The following MEIKIN variants were observed in gnomAD, a reference collection of about 807,000 sequenced individuals.
The protein encoded by MEIKIN is meiotic kinetochore factor.
At chr5:131,833,873 T>C (rs1749755703) in intron 11 of MEIKIN, among the ~76,000 whole-genome samples, 1 of 152,222 alleles carries the variant, frequency 6.6e-6, no homozygotes, top group Non-Finnish European at 1.5e-5. Context: ...TACCAAGCTC[T>C]ACGAAGAAAA....
intron 5 of MEIKIN, among the ~76,000 whole-genome samples, chr5:131,927,540 T>C (rs949526486): frequency 6.6e-6 from 1 of 152,230 alleles, no homozygotes; most frequent in Non-Finnish European, 1.5e-5. Flanking sequence ...GAATGTTCTA[T>C]CCATTGTTAA....
chr5:131,863,557 CTTTTTTTTTT>C (rs59435888), intron 9 of MEIKIN, among the ~76,000 whole-genome samples: 2 of 68,434 alleles, frequency 2.9e-5, no homozygotes, highest in Admixed American at 1.9e-4. Flanking sequence ...CTTCTTTGTC[CTTTTTTTTTT>C]TTTTTTTTTT....
intron 11 of MEIKIN, among the ~76,000 whole-genome samples, chr5:131,835,188 ATG>A (rs144829831): frequency 6.4e-5 from 8 of 124,814 alleles, no homozygotes; most frequent in East Asian, 3.9e-4. Context: ...GTGTATATAT[ATG>A]TGTGTGTGTA....
At chr5:131,926,518 C>G (rs912933057) in intron 5 of MEIKIN, among the ~76,000 whole-genome samples, 1 of 152,212 alleles carries the variant, frequency 6.6e-6, no homozygotes, top group East Asian at 1.9e-4. Context: ...GTATTTACCT[C>G]GCTTTAGTAT....
At chr5:131,926,880 T>C (rs1021960815) in intron 5 of MEIKIN, among the ~76,000 whole-genome samples, 6 of 152,320 alleles carry the variant, frequency 3.9e-5, no homozygotes, top group African/African-American at 9.6e-5. Flanking sequence ...ATCTTGCACT[T>C]TGAATTTTAT....
chr5:131,814,962 G>A (rs1773075130), intron 12 of MEIKIN, among the ~76,000 whole-genome samples: 1 of 152,182 alleles, frequency 6.6e-6, no homozygotes, highest in South Asian at 2.1e-4. Flanking sequence ...TCCTCTGGGT[G>A]CTCAGTCAGC....
chr5:131,848,716 C>T (rs1297477347), intron 11 of MEIKIN, among the ~76,000 whole-genome samples: 4 of 152,110 alleles, frequency 2.6e-5, no homozygotes, highest in Non-Finnish European at 5.9e-5. Flanking sequence ...CTGGACAATA[C>T]ATGAAAAGAA....
intron 9 of MEIKIN, among the ~76,000 whole-genome samples, chr5:131,860,390 G>A (rs1750263127): frequency 7.6e-6 from 1 of 131,358 alleles, no homozygotes; most frequent in African/African-American, 3.0e-5. Flanking sequence ...GCTGATTTTT[G>A]CTTGTTTGCA....
chr5:131,885,338 T>TGAAA (rs1750763820), intron 8 of MEIKIN, among the ~76,000 whole-genome samples: 1 of 95,218 alleles, frequency 1.1e-5, no homozygotes. Flanking sequence ...CACTCAGAAC[T>TGAAA]GAAAGAGAGA....
chr5:131,908,299 T>G (rs768082745), intron 8 of MEIKIN, among the ~76,000 whole-genome samples: 40 of 152,148 alleles, frequency 2.6e-4, no homozygotes, highest in Non-Finnish European at 4.1e-4. Flanking sequence ...ATCAATATGA[T>G]ACATCATATC....
At chr5:131,929,013 C>G (rs1751638217) in intron 5 of MEIKIN, among the ~76,000 whole-genome samples, 1 of 152,150 alleles carries the variant, frequency 6.6e-6, no homozygotes, top group Non-Finnish European at 1.5e-5. Context: ...ATTCCCTCTG[C>G]TTTTGTTTGT....
chr5:131,807,041 AT>A lies in MEIKIN; in HGVS notation c.*194del. 2.6e-6 allele frequency: 1 copy of A among 378,688 alleles called. No homozygotes were observed. The highest frequency in any genetic ancestry group is 1.5e-4 in the South Asian group (1 of 6,866). The allele number at this position is 378,688 out of a possible 1,614,324, so 23.5% of individuals were successfully genotyped here. A position where few individuals can be genotyped will look rare whatever the true frequency, so the allele number is the denominator to read the frequency against. ...TACATATATTTAAGAAGCATATGGA[AT>A]AATTTTTTTTCTTAACTGATTAAAA... is the stretch of plus-strand genomic sequence containing the variant. On this transcript the variant is annotated 3_prime_UTR_variant, in exon 13 of 13. Transcript: ENST00000442687.
intron 11 of MEIKIN, among the ~76,000 whole-genome samples, chr5:131,819,243 A>G (rs750815817): frequency 2.0e-5 from 3 of 151,992 alleles, no homozygotes; most frequent in Non-Finnish European, 4.4e-5. Flanking sequence ...GTTAAACACT[A>G]AATTCCTTGA....
intron 9 of MEIKIN, among the ~76,000 whole-genome samples, chr5:131,876,386 C>A (rs1750613387): frequency 6.6e-6 from 1 of 151,108 alleles, no homozygotes; most frequent in African/African-American, 2.5e-5. Context: ...CCAACGGACA[C>A]ATGAAAAAAT....
chr5:131,859,930 A>C (rs538243585), intron 9 of MEIKIN, among the ~76,000 whole-genome samples: 9 of 152,142 alleles, frequency 5.9e-5, no homozygotes, highest in East Asian at 1.9e-4. Flanking sequence ...TTTTCTACCA[A>C]TATCATGCTG....
intron 5 of MEIKIN, among the ~76,000 whole-genome samples, chr5:131,927,934 A>C (rs544909558): frequency 6.6e-6 from 1 of 152,144 alleles, no homozygotes; most frequent in Non-Finnish European, 1.5e-5. Flanking sequence ...TCACGAGGTC[A>C]GGAGATCGAG....
chr5:131,878,865 A>G (rs1196057858), intron 9 of MEIKIN, 113 bp downstream of exon 9: 1 of 358,878 alleles, frequency 2.8e-6, no homozygotes, highest in African/African-American at 2.2e-5. Flanking sequence ...ACAGAATGAG[A>G]CCCCATTTCT....
intron 8 of MEIKIN, among the ~76,000 whole-genome samples, chr5:131,910,777 T>C (rs1456732943): frequency 6.6e-6 from 1 of 152,004 alleles, no homozygotes; most frequent in Non-Finnish European, 1.5e-5. Flanking sequence ...AAAAAATCTC[T>C]AGAGTAAGTG....
At chr5:131,940,049 T>G (rs1361859767) in intron 4 of MEIKIN, among the ~76,000 whole-genome samples, 1 of 152,202 alleles carries the variant, frequency 6.6e-6, no homozygotes, top group East Asian at 1.9e-4. Context: ...TTTAGAGCCA[T>G]TTTCCTCTTT....
Sources: gnomAD v4.1 joint callset for allele counts (sites outside exome capture counted in the v4.1 genomes callset) on GRCh38, gnomAD v4.1.1 for gene constraint, MANE v1.5 for transcripts, NCBI Gene and HGNC (gene_info 2026-07-23, HGNC 2026-07-21) for gene names.